The following THBS4 variants were observed in gnomAD, a reference collection of about 807,000 sequenced individuals.
The protein encoded by THBS4 is thrombospondin-4.
A neutral mutation model predicts 115.7 loss-of-function variants in THBS4; 90 were observed. The ratio of observed to expected loss-of-function variants is 0.78; its 90% CI spans 0.66 to 0.93. THBS4 has a LOEUF of 0.93. THBS4 is among the 40% of genes least tolerant of loss of function. The pLI is 0.00. For synonymous variants in THBS4, 460 were observed against 479.3 expected (o/e 0.96, Z 0.53); for missense variants, 1,087 against 1,232.7 (o/e 0.88, Z 1.77).
At chr5:80,034,826 T>C (rs575106958), upstream of THBS4, among the ~76,000 whole-genome samples, 2 of 152,262 alleles carry the variant, frequency 1.3e-5, no homozygotes, top group Admixed American at 6.5e-5. Flanking sequence ...CAAGAAAAGC[T>C]TGAAGAAATA....
chr5:80,070,349 A>C lies in THBS4; in HGVS notation c.1391A>C (p.Asp464Ala). 10 of 1,610,240 alleles carry C rather than the reference A, an allele frequency of 6.2e-6. No homozygotes were observed. Among genetic ancestry groups the C allele is most frequent in the Non-Finnish European group, 8.5e-6 (10 of 1,178,070 alleles). The change falls in exon 11 of 22, where the codon GAT becomes GCT. Residue 464 changes from aspartate to alanine, a missense_variant. Asp to Ala is a moderately radical substitution (Grantham distance 126, BLOSUM62 -2). Around this residue, in one of 3 missense-constraint regions of THBS4, gnomAD observed 979 missense variants for 1,103.7 expected, o/e 0.89. Transcript: ENST00000350881. ...WAGDGYICGK[D>A]VDIDSYPDEE... ...GGAGATGGCTATATCTGTGGAAAGGATGTGGACATCGACAGTTACCCCGAC... is the reference window on the plus strand; with the variant it reads ...GGAGATGGCTATATCTGTGGAAAGGCTGTGGACATCGACAGTTACCCCGAC...
chr5:80,028,015 C>T (rs1208198715), intron 2 of THBS4, among the ~76,000 whole-genome samples: 1 of 151,884 alleles, frequency 6.6e-6, no homozygotes, highest in Non-Finnish European at 1.5e-5. Context: ...AGTTACTGCT[C>T]TATATATACT....
rs1483570876 is a variant in THBS4 at position 80,082,526 on chromosome 5, C to T, written c.2805C>T (p.Asn935=). ...CTCAAGAAAACATCATCTGGTCCAA[C>T]CTCAAGTATCGCTGCAATGGTAATG... ...CFSQENIIWS[N]LKYRCNDTIP... is the part of the protein sequence containing the mutation. The change falls in exon 21 of 22, where the codon AAC becomes AAT. Residue 935 remains asparagine, a synonymous_variant. Coordinates refer to ENST00000350881, the MANE Select transcript of THBS4 (RefSeq NM_003248.6). The T allele has an allele frequency of 5.6e-6, 9 of 1,614,224 alleles. No homozygotes were observed. Among genetic ancestry groups the T allele is most frequent in the South Asian group, 4.4e-5 (4 of 91,086 alleles).
At chr5:80,027,571 C>T (rs1832502193) in intron 2 of THBS4, among the ~76,000 whole-genome samples, 1 of 152,050 alleles carries the variant, frequency 6.6e-6, no homozygotes, top group African/African-American at 2.4e-5. Flanking sequence ...AGTGATGTGA[C>T]ACATAAAATG....
intron 2 of THBS4, among the ~76,000 whole-genome samples, chr5:80,024,635 C>T (rs1404360575): frequency 1.3e-5 from 2 of 152,126 alleles, no homozygotes; most frequent in African/African-American, 2.4e-5. Context: ...GATTCCTTCA[C>T]GGGACAGAGC....
chr5:80,069,929 C>T, intron 10 of THBS4, among the ~76,000 whole-genome samples: 1 of 152,188 alleles, frequency 6.6e-6, no homozygotes, highest in East Asian at 1.9e-4. Flanking sequence ...TCCCTTGGCC[C>T]AGACTCTGCT....
chr5:80,064,176 T>C (rs1833731883), intron 8 of THBS4, among the ~76,000 whole-genome samples: 2 of 152,254 alleles, frequency 1.3e-5, no homozygotes, highest in African/African-American at 2.4e-5. Flanking sequence ...AAAATGAAAA[T>C]TGCCTACAGC....
chr5:80,049,720 CTTAAG>C (rs1833192160), intron 2 of THBS4, among the ~76,000 whole-genome samples: 1 of 151,952 alleles, frequency 6.6e-6, no homozygotes, highest in South Asian at 2.1e-4. Context: ...CATGAAGGGA[CTTAAG>C]GTGGTGGGAA....
At chr5:80,065,572 A>G in intron 9 of THBS4, 95 bp downstream of exon 9, 1 of 1,117,006 alleles carries the variant, frequency 9.0e-7, no homozygotes, top group Non-Finnish European at 1.3e-6. Context: ...CACCTAGAAC[A>G]TGTGGGCATA....
chr5:80,041,088 T>C (rs778799120), intron 2 of THBS4, among the ~76,000 whole-genome samples: 20 of 152,204 alleles, frequency 1.3e-4, no homozygotes, highest in African/African-American at 4.8e-4. Context: ...CACCGCCACA[T>C]TGGGGACCAA....
intron 2 of THBS4, chr5:80,052,819 G>A (rs560066762): frequency 6.6e-6 from 1 of 152,250 alleles, no homozygotes; most frequent in South Asian, 2.1e-4. Flanking sequence ...TATCTTTGGC[G>A]ATACTGCAAC....
chr5:80,033,296 T>A, upstream of THBS4: 1 of 310,076 alleles, frequency 3.2e-6, no homozygotes. Context: ...TGGTGCATTG[T>A]CCTCACCATG....
intron 2 of THBS4, among the ~76,000 whole-genome samples, chr5:80,053,795 A>C (rs542352573): frequency 6.6e-6 from 1 of 152,022 alleles, no homozygotes; most frequent in East Asian, 1.9e-4. Context: ...TGAACTCCTG[A>C]CCTCGTGATC....
At position 80,073,306 on chromosome 5, in the gene THBS4, C is replaced by T. The variant is rs746695986; in HGVS notation, c.1871C>T (p.Ser624Phe). Residue 624 changes from serine to phenylalanine, a missense_variant, in exon 15 of 22, where the codon TCC (serine) becomes TTC (phenylalanine). Ser to Phe is a radical substitution (Grantham distance 155). Coordinates refer to ENST00000350881, the MANE Select transcript of THBS4 (RefSeq NM_003248.6). The stretch of plus-strand genomic sequence containing the variant: ...GTGGATAATGATCTGGTTGGGGACT[C>T]CTGTGACACCAATCAGGACAGGTAT... Reference protein sequence around the residue: ...SDVDNDLVGDSCDTNQDSDGD... With the variant: ...SDVDNDLVGDFCDTNQDSDGD... The T allele has an allele frequency of 3.7e-6, 6 of 1,613,952 alleles. No homozygotes were observed. The highest frequency in any genetic ancestry group is 5.1e-6 in the Non-Finnish European group (6 of 1,179,972).
intron 2 of THBS4, among the ~76,000 whole-genome samples, chr5:80,014,447 G>A (rs1182665171): frequency 1.3e-5 from 2 of 152,172 alleles, no homozygotes; most frequent in African/African-American, 2.4e-5. Context: ...ATAATGTTCT[G>A]TGGATACAGC....
chr5:80,060,467 C>T lies in THBS4; in HGVS notation c.987+562C>T, dbSNP rs567021056. On this transcript the variant is annotated intron_variant, in intron 7 of 21. Transcript: ENST00000350881. The stretch of plus-strand genomic sequence containing the variant: ...GCCCCAGAAGAGACTGTTTCAAGAC[C>T]CTGGTTAGGCAGGCCAGCCTAGTGG... 7.2e-5 allele frequency among the ~76,000 whole-genome samples: 11 copies of T among 152,266 alleles called. No individual in the cohort carries two copies. In the South Asian group the frequency reaches 2.3e-3, roughly 32 times the overall value.
Position 80,035,689 on chromosome 5 carries a change from G to A in THBS4, c.88+64G>A. 8.8e-7 allele frequency: 1 copy of A among 1,139,636 alleles called. No individual in the cohort carries two copies. The allele number at this position is 1,139,636 out of a possible 1,614,324, so 70.6% of individuals were successfully genotyped here. On this transcript the variant is annotated intron_variant, in intron 1 of 21. Transcript: ENST00000350881. This position sits in a 1 kb window ranked among gnomAD's most constrained non-coding sequence, Gnocchi z 4.6. Reference sequence around the variant, plus strand: ...CGGGTGCCCCATCTGCTGAGTGAGTGGAGGGACTTGCTCGGCCCTGTGCTC... The same window carrying A: ...CGGGTGCCCCATCTGCTGAGTGAGTAGAGGGACTTGCTCGGCCCTGTGCTC...
At chr5:79,994,289 G>A (rs879754563) in intron 1 of THBS4, among the ~76,000 whole-genome samples, 1 of 152,108 alleles carries the variant, frequency 6.6e-6, no homozygotes, top group African/African-American at 2.4e-5. Flanking sequence ...CCAGTAGGTG[G>A]TAGAACCAAG....
chr5:80,038,922 T>G (rs1240638685), intron 1 of THBS4, among the ~76,000 whole-genome samples: 2 of 152,238 alleles, frequency 1.3e-5, no homozygotes, highest in African/African-American at 4.8e-5. Context: ...TGAGTACTGT[T>G]GTATTTACTA....
Sources: allele counts gnomAD v4.1 joint callset (sites outside exome capture counted in the v4.1 genomes callset), GRCh38; gene constraint gnomAD v4.1.1; regional missense constraint gnomAD v4.1.1; non-coding constraint Gnocchi (gnomAD v3.1); transcripts MANE v1.5; gene names NCBI Gene and HGNC (gene_info 2026-07-23, HGNC 2026-07-21).